The following PRKCA variants were observed in gnomAD, a reference collection of about 807,000 sequenced individuals.
The protein encoded by PRKCA is protein kinase C alpha, also known as protein kinase C alpha type.
In PRKCA, 27 loss-of-function variants were observed where a neutral mutation model predicts 87.0. The ratio of observed to expected loss-of-function variants is 0.31; its 90% CI spans 0.23 to 0.43. The LOEUF is 0.43. PRKCA is among the 20% of genes least tolerant of loss of function. The pLI, the probability that PRKCA is intolerant of heterozygous loss-of-function variation, is 1.00. For synonymous variants in PRKCA, 329 were observed against 311.1 expected (o/e 1.06, Z -0.61); for missense variants, 518 against 852.3 (o/e 0.61, Z 4.88).
intron 5 of PRKCA, among the ~76,000 whole-genome samples, chr17:66,654,021 G>A (rs1449388808): frequency 6.6e-6 from 1 of 152,154 alleles, no homozygotes; most frequent in East Asian, 1.9e-4. Flanking sequence ...ATTTTCCCTG[G>A]GGAGAGGCAC....
At chr17:66,322,084 G>A (rs188300994) in intron 2 of PRKCA, among the ~76,000 whole-genome samples, 2 of 152,294 alleles carry the variant, frequency 1.3e-5, no homozygotes, top group Non-Finnish European at 2.9e-5. Flanking sequence ...GCCTTGTCAG[G>A]GTGGTTGCTG....
Position 66,805,067 on chromosome 17 carries a change from C to G in PRKCA, c.*1030C>G. ...CAGTAACTTAATGGAAGTGCTGACT[C>G]TAGCATCAGCCTCTACCGATTGATT... On this transcript the variant is annotated 3_prime_UTR_variant, in exon 17 of 17. Coordinates refer to ENST00000413366, the MANE Select transcript of PRKCA (RefSeq NM_002737.3). 1 of 982,126 alleles carries G rather than the reference C, an allele frequency of 1.0e-6. No homozygotes were observed. Among genetic ancestry groups the G allele is most frequent in the Non-Finnish European group, 1.2e-6 (1 of 826,864 alleles). 60.8% of individuals were successfully genotyped at this position (982,126 alleles called of 1,614,324 possible).
At chr17:66,775,280 C>T in intron 14 of PRKCA, 1 of 985,218 alleles carries the variant, frequency 1.0e-6, no homozygotes, top group Non-Finnish European at 1.2e-6. Flanking sequence ...GTCAGCCCTA[C>T]TACCTTTTAG....
intron 8 of PRKCA, among the ~76,000 whole-genome samples, chr17:66,708,370 G>A (rs1343743992): frequency 1.3e-5 from 2 of 151,876 alleles, no homozygotes; most frequent in Non-Finnish European, 2.9e-5. Flanking sequence ...TCTTGCAGAT[G>A]TGTAGAGCAA....
intron 2 of PRKCA, among the ~76,000 whole-genome samples, chr17:66,309,740 C>T (rs1905000559): frequency 6.6e-6 from 1 of 152,112 alleles, no homozygotes; most frequent in East Asian, 1.9e-4. Context: ...TTGATGTACC[C>T]CTAGCACTCA....
intron 2 of PRKCA, among the ~76,000 whole-genome samples, chr17:66,370,739 G>A (rs867765222): frequency 1.3e-5 from 2 of 151,688 alleles, no homozygotes; most frequent in Non-Finnish European, 2.9e-5. Context: ...TTGTAGAGAC[G>A]GGGTCTCATT....
At chr17:66,584,019 G>A (rs967012829) in intron 3 of PRKCA, among the ~76,000 whole-genome samples, 1 of 152,128 alleles carries the variant, frequency 6.6e-6, no homozygotes, top group African/African-American at 2.4e-5. Flanking sequence ...CTGTTGGGTA[G>A]CCAGAAAGGA....
intron 2 of PRKCA, among the ~76,000 whole-genome samples, chr17:66,366,328 CT>C (rs1908722306): frequency 6.6e-6 from 1 of 152,096 alleles, no homozygotes. Context: ...TTAAAGCAAA[CT>C]TTTTTACACC....
At chr17:66,346,837 C>G (rs1185416779) in intron 2 of PRKCA, among the ~76,000 whole-genome samples, 1 of 151,986 alleles carries the variant, frequency 6.6e-6, no homozygotes, top group Non-Finnish European at 1.5e-5. Flanking sequence ...GAGACCAGCC[C>G]TGGCCAACAT....
intron 2 of PRKCA, among the ~76,000 whole-genome samples, chr17:66,440,083 T>C (rs9303508): frequency 0.095 from 14,527 of 152,260 alleles, 1,933 homozygotes; most frequent in African/African-American, 0.3. Flanking sequence ...GGTTGCTTAC[T>C]GTAGGCTTTG....
chr17:66,715,528 AC>A (rs1230733829), intron 8 of PRKCA, among the ~76,000 whole-genome samples: 4 of 152,104 alleles, frequency 2.6e-5, no homozygotes, highest in Middle Eastern at 3.4e-3. Flanking sequence ...CAGAGTCTGC[AC>A]CCAGTCAAGG....
At chr17:66,534,784 A>G (rs958709375) in intron 3 of PRKCA, among the ~76,000 whole-genome samples, 2 of 152,198 alleles carry the variant, frequency 1.3e-5, no homozygotes, top group African/African-American at 2.4e-5. Flanking sequence ...TTAAGGACTC[A>G]TGGTAATTTG....
chr17:66,699,700 C>A (rs1478750062), intron 8 of PRKCA, among the ~76,000 whole-genome samples: 1 of 152,216 alleles, frequency 6.6e-6, no homozygotes, highest in Non-Finnish European at 1.5e-5. Context: ...AATCCTCCTG[C>A]CTCAGCCTCC....
chr17:66,465,155 A>C (rs1915030491), intron 2 of PRKCA, among the ~76,000 whole-genome samples: 1 of 152,208 alleles, frequency 6.6e-6, no homozygotes, highest in Admixed American at 6.5e-5. Flanking sequence ...CATAGCCTTA[A>C]TAACCACAAC....
intron 3 of PRKCA, among the ~76,000 whole-genome samples, chr17:66,580,965 A>G (rs145872764): frequency 7.3e-5 from 11 of 151,654 alleles, no homozygotes; most frequent in South Asian, 2.1e-4. Flanking sequence ...ATGTTCCTAG[A>G]AATTATAGAG....
At chr17:66,640,853 T>TCATTATATTAAAAC (rs1340038251) in intron 3 of PRKCA, 1 of 416,790 alleles carries the variant, frequency 2.4e-6, no homozygotes, top group African/African-American at 2.1e-5. Context: ...GAAACATAGG[T>TCATTATATTAAAAC]ATTCATTATA....
At chr17:66,659,695 G>A in intron 5 of PRKCA, among the ~76,000 whole-genome samples, 1 of 105,698 alleles carries the variant, frequency 9.5e-6, no homozygotes, top group Non-Finnish European at 1.9e-5. Flanking sequence ...GCTGCAGTGA[G>A]CCAAGATTGC....
At chr17:66,783,308 G>A (rs1975286697) in intron 14 of PRKCA, among the ~76,000 whole-genome samples, 2 of 152,174 alleles carry the variant, frequency 1.3e-5, no homozygotes, top group Admixed American at 1.3e-4. Flanking sequence ...ACTTCTCAGG[G>A]CCTGTACAAT....
At position 66,679,465 on chromosome 17, in the gene PRKCA, C is replaced by G. The variant is rs531607365; in HGVS notation, c.530-7646C>G. On this transcript the variant is annotated intron_variant, in intron 5 of 16. Coordinates refer to ENST00000413366, the MANE Select transcript of PRKCA (RefSeq NM_002737.3). Reference sequence around the variant, plus strand: ...CAGAGTGCTGGGATTACAGGTTGAGCCACCGTGCCCGGCCTACACTCACAC... The same window carrying G: ...CAGAGTGCTGGGATTACAGGTTGAGGCACCGTGCCCGGCCTACACTCACAC... 1.0e-3 allele frequency among the ~76,000 whole-genome samples: 156 copies of G among 152,310 alleles called. 2 individuals are homozygous for G. The South Asian group carries it at 0.015, about 15-fold the overall frequency.
Sources: allele counts gnomAD v4.1 joint callset (sites outside exome capture counted in the v4.1 genomes callset), GRCh38; gene constraint gnomAD v4.1.1; transcripts MANE v1.5; gene names NCBI Gene and HGNC (gene_info 2026-07-23, HGNC 2026-07-21).